PTPRD: variants seen among roughly 807,000 people sequenced by gnomAD.
PTPRD encodes the protein protein tyrosine phosphatase receptor type D.
A neutral mutation model predicts 214.5 loss-of-function variants in PTPRD; 34 were observed. The ratio of observed to expected loss-of-function variants is 0.16; its 90% CI spans 0.12 to 0.21. The LOEUF (loss-of-function observed/expected upper bound fraction) is 0.21, where lower values mean the gene tolerates loss of function less well. Among genes scored for constraint, PTPRD ranks in the 10% least tolerant of loss-of-function variants. The pLI is 1.00. For missense variants in PTPRD, 2,545 were observed against 2,398.7 expected (o/e 1.06, Z -1.27); for synonymous variants, 1,128 against 845.7 (o/e 1.33, Z -5.79).
At chr9:9,204,069 T>A (rs945350891) in intron 9 of PTPRD, among the ~76,000 whole-genome samples, 3 of 152,176 alleles carry the variant, frequency 2.0e-5, no homozygotes, top group African/African-American at 7.2e-5. Context: ...CAACTTAGAC[T>A]AATACTGGCT....
At chr9:8,661,271 C>G (rs2097045350) in intron 12 of PTPRD, among the ~76,000 whole-genome samples, 1 of 152,086 alleles carries the variant, frequency 6.6e-6, no homozygotes. Flanking sequence ...GCCTCTTCAT[C>G]ATGGTCAATA....
At chr9:9,578,138 T>C (rs2089601745) in intron 7 of PTPRD, among the ~76,000 whole-genome samples, 1 of 151,030 alleles carries the variant, frequency 6.6e-6, no homozygotes, top group South Asian at 2.1e-4. Flanking sequence ...AAAGCACTGA[T>C]GTTAAGCCAA....
intron 7 of PTPRD, among the ~76,000 whole-genome samples, chr9:9,635,561 G>T (rs576109994): frequency 4.0e-4 from 61 of 152,246 alleles, no homozygotes; most frequent in African/African-American, 1.4e-3. Context: ...GAAAGCCATT[G>T]CTCAGATTTT....
At chr9:8,931,737 T>A (rs1237982456) in intron 11 of PTPRD, among the ~76,000 whole-genome samples, 1 of 152,168 alleles carries the variant, frequency 6.6e-6, no homozygotes, top group Non-Finnish European at 1.5e-5. Flanking sequence ...TCAGAAGGAA[T>A]GTTACCAGCT....
intron 14 of PTPRD, among the ~76,000 whole-genome samples, chr9:8,615,795 T>A (rs1344250516): frequency 6.6e-6 from 1 of 152,198 alleles, no homozygotes; most frequent in Non-Finnish European, 1.5e-5. Context: ...AATTTGTCCT[T>A]ATCAGGAAGT....
At chr9:9,041,550 C>A (rs2099639919) in intron 10 of PTPRD, among the ~76,000 whole-genome samples, 1 of 152,176 alleles carries the variant, frequency 6.6e-6, no homozygotes, top group African/African-American at 2.4e-5. Flanking sequence ...TGATCTCATT[C>A]TTTTTGATGG....
chr9:9,925,328 T>C (rs959487473), intron 5 of PTPRD, among the ~76,000 whole-genome samples: 31 of 152,096 alleles, frequency 2.0e-4, no homozygotes, highest in African/African-American at 7.5e-4. Flanking sequence ...AAAACAAAAA[T>C]GTGTATATTT....
chr9:9,655,464 G>A (rs536010732), intron 7 of PTPRD, among the ~76,000 whole-genome samples: 1 of 151,904 alleles, frequency 6.6e-6, no homozygotes, highest in Non-Finnish European at 1.5e-5. Flanking sequence ...AGCTACACAG[G>A]AGGCTAAGAC....
At chr9:8,958,380 T>C (rs2099142585) in intron 11 of PTPRD, among the ~76,000 whole-genome samples, 1 of 151,986 alleles carries the variant, frequency 6.6e-6, no homozygotes, top group South Asian at 2.1e-4. Context: ...TCTGATTGAA[T>C]TTTGATGTTT....
intron 2 of PTPRD, among the ~76,000 whole-genome samples, chr9:10,510,763 T>C (rs2047732494): frequency 6.6e-6 from 1 of 152,156 alleles, no homozygotes. Context: ...TAAATTATTG[T>C]TAACTATAGT....
Position 8,316,934 on chromosome 9 carries a change from CTG to C in PTPRD, c.*938_*939del, listed in dbSNP as rs890471436. On this transcript the variant is annotated 3_prime_UTR_variant, in exon 46 of 46. Transcript: ENST00000381196. ...TGTATCTATTTTTTGTGTGGACACACTGTCTATATATACATAGACACCCTTAT... is the reference window on the plus strand; with the variant it reads ...TGTATCTATTTTTTGTGTGGACACACTCTATATATACATAGACACCCTTAT... 2 of 231,350 alleles carry C rather than the reference CTG, an allele frequency of 8.6e-6. No homozygotes were observed. Among genetic ancestry groups the C allele is most frequent in the African/African-American group, 4.4e-5 (2 of 45,172 alleles). 14.3% of individuals were successfully genotyped at this position (231,350 alleles called of 1,614,324 possible). A position where few individuals can be genotyped will look rare whatever the true frequency, so the allele number is the denominator to read the frequency against.
chr9:8,508,297 A>T (rs900218077), intron 21 of PTPRD, among the ~76,000 whole-genome samples: 1 of 152,194 alleles, frequency 6.6e-6, no homozygotes, highest in Non-Finnish European at 1.5e-5. Context: ...ACCTTACTCA[A>T]ATGAACTAGA....
chr9:9,351,095 AT>A (rs2050925465), intron 9 of PTPRD, among the ~76,000 whole-genome samples: 1 of 151,996 alleles, frequency 6.6e-6, no homozygotes, highest in South Asian at 2.1e-4. Flanking sequence ...CTTGCTGGTG[AT>A]TTCCAGGCAT....
chr9:8,978,500 C>A (rs1421086096), intron 11 of PTPRD, among the ~76,000 whole-genome samples: 1 of 152,070 alleles, frequency 6.6e-6, no homozygotes, highest in Non-Finnish European at 1.5e-5. Flanking sequence ...TAGGGTGCCT[C>A]TATGCAAAAT....
At chr9:10,418,397 C>T (rs1282298613) in intron 2 of PTPRD, among the ~76,000 whole-genome samples, 1 of 150,708 alleles carries the variant, frequency 6.6e-6, no homozygotes, top group Non-Finnish European at 1.5e-5. Context: ...TGAGAGTTCT[C>T]TCTACTAGTG....
Position 9,423,246 on chromosome 9 carries a change from G to A in PTPRD, c.-236-25764C>T, listed in dbSNP as rs1214825346. Among the ~76,000 whole-genome samples the A allele has an allele frequency of 2.0e-5, 3 of 152,148 alleles. No homozygotes were observed. In the East Asian group the frequency reaches 5.8e-4, roughly 29 times the overall value. On this transcript the variant is annotated intron_variant, in intron 8 of 45. Coordinates refer to ENST00000381196, the MANE Select transcript of PTPRD (RefSeq NM_002839.4). The stretch of plus-strand genomic sequence containing the variant: ...AACCCCCAACATGATGGTATTTGGA[G>A]ATGGGGCTTTGGAAGTTAATTAGGT...
chr9:9,969,198 G>A (rs553578547), intron 4 of PTPRD, among the ~76,000 whole-genome samples: 8 of 152,230 alleles, frequency 5.3e-5, no homozygotes, highest in Middle Eastern at 3.4e-3. Context: ...AGGATTTAGC[G>A]ATCAAAGAAT....
At chr9:9,201,166 CA>C (rs1485168924) in intron 9 of PTPRD, among the ~76,000 whole-genome samples, 19 of 152,000 alleles carry the variant, frequency 1.3e-4, no homozygotes, top group African/African-American at 4.3e-4. Context: ...AAGCAACATA[CA>C]AAATTGCTGG....
At chr9:9,142,641 C>G (rs56322741) in intron 10 of PTPRD, among the ~76,000 whole-genome samples, 11,104 of 152,232 alleles carry the variant, frequency 0.073, 647 homozygotes, top group African/African-American at 0.15. Flanking sequence ...TTCTGTACAT[C>G]ACTTGATATA....
Sources: allele counts gnomAD v4.1 joint callset (sites outside exome capture counted in the v4.1 genomes callset), GRCh38; gene constraint gnomAD v4.1.1; transcripts MANE v1.5; gene names NCBI Gene and HGNC (gene_info 2026-07-23, HGNC 2026-07-21).